The following BMPR1B variants were observed in gnomAD, a reference collection of about 807,000 sequenced individuals.
BMPR1B encodes the protein bone morphogenetic protein receptor type-1B.
A neutral mutation model predicts 59.1 loss-of-function variants in BMPR1B; 12 were observed. That is an observed-to-expected ratio of 0.20 (90% confidence interval 0.13 to 0.33). The LOEUF (loss-of-function observed/expected upper bound fraction) is 0.33, where lower values mean the gene tolerates loss of function less well. Among genes scored for constraint, BMPR1B ranks in the 10% least tolerant of loss-of-function variants. The pLI is 1.00. For missense variants in BMPR1B, 550 were observed against 610.9 expected, an observed-to-expected ratio of 0.90 and a Z score of 1.05; for synonymous variants, 237 against 207.3, an observed-to-expected ratio of 1.14 and a Z score of -1.23.
chr4:94,831,266 TA>T (rs1433215879), intron 1 of BMPR1B, among the ~76,000 whole-genome samples: 1 of 120,196 alleles, frequency 8.3e-6, no homozygotes. Flanking sequence ...GAAGAAAGCT[TA>T]TAGAATAAGG....
intron 11 of BMPR1B, among the ~76,000 whole-genome samples, chr4:95,151,536 A>G (rs1054616803): frequency 6.6e-6 from 1 of 152,220 alleles, no homozygotes; most frequent in Admixed American, 6.5e-5. Context: ...GATAATACAT[A>G]TAATTAGCTC....
chr4:94,942,105 A>T (rs946401803), intron 2 of BMPR1B, among the ~76,000 whole-genome samples: 1 of 152,236 alleles, frequency 6.6e-6, no homozygotes, highest in African/African-American at 2.4e-5. Flanking sequence ...ATTGTTTTGC[A>T]TGTAGCACTG....
At chr4:95,039,099 T>A (rs1049126382) in intron 3 of BMPR1B, among the ~76,000 whole-genome samples, 10 of 152,200 alleles carry the variant, frequency 6.6e-5, no homozygotes, top group Admixed American at 2.0e-4. Flanking sequence ...GGCTCTTATA[T>A]TGACAAGAAT....
At chr4:95,143,388 C>T (rs1734393742) in intron 10 of BMPR1B, among the ~76,000 whole-genome samples, 1 of 152,210 alleles carries the variant, frequency 6.6e-6, no homozygotes, top group Admixed American at 6.5e-5. Flanking sequence ...TATGTCCTTC[C>T]CTGGCACCTT....
At chr4:95,137,889 G>T (rs185182490) in intron 10 of BMPR1B, among the ~76,000 whole-genome samples, 1 of 152,216 alleles carries the variant, frequency 6.6e-6, no homozygotes, top group East Asian at 1.9e-4. Context: ...TTTAATTGGA[G>T]CATTCAGCCC....
intron 2 of BMPR1B, among the ~76,000 whole-genome samples, chr4:94,881,925 G>C (rs921568095): frequency 3.3e-5 from 5 of 152,120 alleles, no homozygotes; most frequent in Non-Finnish European, 5.9e-5. Context: ...GAAAGACTTA[G>C]GGGTAAGACA....
intron 2 of BMPR1B, among the ~76,000 whole-genome samples, chr4:94,901,601 A>G (rs1226087472): frequency 6.6e-6 from 1 of 152,062 alleles, no homozygotes; most frequent in African/African-American, 2.4e-5. Flanking sequence ...TAATCAGTTC[A>G]AAAGCTTGTC....
At chr4:95,103,521 A>G (rs756214168) in intron 3 of BMPR1B, 8 of 980,106 alleles carry the variant, frequency 8.2e-6, no homozygotes, top group Non-Finnish European at 9.7e-6. Context: ...AAAATAGGTA[A>G]TAATTAATGC....
intron 3 of BMPR1B, among the ~76,000 whole-genome samples, chr4:95,071,631 T>TG (rs1728280960): frequency 1.5e-5 from 1 of 66,424 alleles, no homozygotes. Flanking sequence ...TATATGTGTG[T>TG]TTGTGTGTGT....
At chr4:94,897,647 TA>T (rs2148996243) in intron 2 of BMPR1B, among the ~76,000 whole-genome samples, 1 of 152,176 alleles carries the variant, frequency 6.6e-6, no homozygotes, top group African/African-American at 2.4e-5. Context: ...TAGTATAACA[TA>T]AGGGTTTTTT....
At chr4:95,003,360 C>G (rs1394024449) in intron 3 of BMPR1B, among the ~76,000 whole-genome samples, 1 of 151,932 alleles carries the variant, frequency 6.6e-6, no homozygotes, top group Admixed American at 6.6e-5. Context: ...AAATTTAAAT[C>G]TTTAGGTTAC....
intron 3 of BMPR1B, among the ~76,000 whole-genome samples, chr4:95,036,840 T>C (rs1725284788): frequency 6.6e-6 from 1 of 151,992 alleles, no homozygotes; most frequent in African/African-American, 2.4e-5. Flanking sequence ...CCACCAACAG[T>C]GTACGAGGGT....
intron 1 of BMPR1B, among the ~76,000 whole-genome samples, chr4:94,841,590 C>T (rs976341614): frequency 2.0e-5 from 3 of 152,134 alleles, no homozygotes; most frequent in East Asian, 1.9e-4. Context: ...TTGCGCTTCC[C>T]GAGTGAGGCA....
intron 3 of BMPR1B, among the ~76,000 whole-genome samples, chr4:95,041,873 G>A (rs78774137): frequency 1.4e-5 from 2 of 145,908 alleles, no homozygotes; most frequent in African/African-American, 5.0e-5. Context: ...TTTTTTTTTT[G>A]AGACGGAGTC....
At chr4:94,995,608 A>G (rs894171647) in intron 2 of BMPR1B, among the ~76,000 whole-genome samples, 4 of 152,018 alleles carry the variant, frequency 2.6e-5, no homozygotes, top group Non-Finnish European at 5.9e-5. Context: ...CTTGTCTTTG[A>G]CTCCACCTAG....
intron 1 of BMPR1B, among the ~76,000 whole-genome samples, chr4:94,833,484 A>C (rs1724682174): frequency 6.6e-6 from 1 of 152,006 alleles, no homozygotes; most frequent in Non-Finnish European, 1.5e-5. Context: ...TTATTTTATT[A>C]TCTCTCATGA....
chr4:94,833,641 C>A (rs974337466), intron 1 of BMPR1B, among the ~76,000 whole-genome samples: 1 of 152,156 alleles, frequency 6.6e-6, no homozygotes, highest in African/African-American at 2.4e-5. Flanking sequence ...ACCTCCTTCC[C>A]CTGCCTAAGT....
intron 1 of BMPR1B, among the ~76,000 whole-genome samples, chr4:94,817,478 A>C (rs1289112175): frequency 6.6e-6 from 1 of 151,946 alleles, no homozygotes; most frequent in South Asian, 2.1e-4. Context: ...GCTGTTTTCT[A>C]GGTACATGGC....
intron 1 of BMPR1B, among the ~76,000 whole-genome samples, chr4:94,758,924 GTCTCTC>G (rs35388032): frequency 3.3e-5 from 5 of 150,734 alleles, no homozygotes; most frequent in South Asian, 2.1e-4. Context: ...CAATCTTTTG[GTCTCTC>G]TCTCTCTCTC....
Sources: gnomAD v4.1 joint callset for allele counts (sites outside exome capture counted in the v4.1 genomes callset) on GRCh38, gnomAD v4.1.1 for gene constraint, MANE v1.5 for transcripts, NCBI Gene and HGNC (gene_info 2026-07-23, HGNC 2026-07-21) for gene names.